The following DYNC2I1 variants were observed in gnomAD, a reference collection of about 807,000 sequenced individuals.
The protein encoded by DYNC2I1 is dynein 2 intermediate chain 1, also known as cytoplasmic dynein 2 intermediate chain 1.
DYNC2I1 carries 89 observed loss-of-function variants against 133.4 expected under a neutral mutation model. That is an observed-to-expected ratio of 0.67 (90% confidence interval 0.56 to 0.80). The LOEUF (loss-of-function observed/expected upper bound fraction) is 0.80. Ranked by LOEUF, DYNC2I1 falls within the 30% of genes least tolerant of loss-of-function variation. The pLI is 0.00. For synonymous variants in DYNC2I1, 504 were observed against 484.3 expected (o/e 1.04, Z -0.54); for missense variants, 1,291 against 1,314.5 (o/e 0.98, Z 0.28).
In DYNC2I1 at chr7:158,891,134, T is replaced by C. The variant is rs2657364; in HGVS notation, c.991-131T>C. 0.42 allele frequency: 391,686 copies of C among 930,726 alleles called. 88,067 individuals carry two copies. Among genetic ancestry groups the C allele is most frequent in the East Asian group, 0.7 (29,014 of 41,278 alleles). The allele number at this position is 930,726 out of a possible 1,614,324, so 57.7% of individuals were successfully genotyped here. ...TGGGACCTGCATCCCAGAGCGTTAG[T>C]TTCGTAGTCTGTGCACCTGTTTGCT... On this transcript the variant is annotated intron_variant, in intron 7 of 24. Transcript: ENST00000407559.
chr7:158,941,936 G>C lies in DYNC2I1; in HGVS notation c.2790G>C (p.Ser930=). The C allele has an allele frequency of 1.2e-6, 2 of 1,604,894 alleles. No individual in the cohort carries two copies. Among genetic ancestry groups the C allele is most frequent in the African/African-American group, 1.3e-5 (1 of 74,812 alleles). Residue 930 remains serine, a synonymous_variant, in exon 24 of 25, where the codon TCG becomes TCC. Transcript: ENST00000407559. ...CTTCCTGGTCATAGGCCGGCTGTTCGGACGGAAGCATCAGGCTGCACCAGC... is the reference window on the plus strand; with the variant it reads ...CTTCCTGGTCATAGGCCGGCTGTTCCGACGGAAGCATCAGGCTGCACCAGC... The part of the protein sequence containing the change: ...FGEPIFLAGC[S]DGSIRLHQLS...
chr7:158,953,690 C>T (rs1160080908), intron 4 of DYNC2I1, among the ~76,000 whole-genome samples: 3 of 152,066 alleles, frequency 2.0e-5, no homozygotes, highest in Admixed American at 2.0e-4. Flanking sequence ...GTTGAGGCTG[C>T]AGAAAAGTAG....
intron 21 of DYNC2I1, among the ~76,000 whole-genome samples, chr7:158,933,595 C>T (rs1850442731): frequency 6.6e-6 from 1 of 152,216 alleles, no homozygotes; most frequent in Non-Finnish European, 1.5e-5. Context: ...TGTGTGGGAA[C>T]CCACAAGCTG....
chr7:158,958,099 G>A (rs1417800110), downstream of DYNC2I1, among the ~76,000 whole-genome samples: 3 of 150,224 alleles, frequency 2.0e-5, no homozygotes, highest in Non-Finnish European at 3.0e-5. Flanking sequence ...CCAGGTCGTG[G>A]AGAGGGTGAG....
chr7:158,935,913 A>C (rs1033248074), intron 23 of DYNC2I1, among the ~76,000 whole-genome samples: 3 of 152,148 alleles, frequency 2.0e-5, no homozygotes, highest in Non-Finnish European at 4.4e-5. Flanking sequence ...TAAAAATACA[A>C]AGTTATCTGG....
chr7:158,848,848 G>A, the DYNC2I1 span, among the ~76,000 whole-genome samples: 21 of 151,922 alleles, frequency 1.4e-4, no homozygotes, highest in East Asian at 3.9e-4. Flanking sequence ...GGCGTGAATC[G>A]CGAGGCAGAG....
intron 1 of DYNC2I1, among the ~76,000 whole-genome samples, chr7:158,864,119 G>T (rs1172121176): frequency 6.8e-6 from 1 of 147,326 alleles, no homozygotes; most frequent in Middle Eastern, 3.5e-3. Flanking sequence ...AGCTCCGGGT[G>T]TGGGGGGGGG....
upstream of DYNC2I1, among the ~76,000 whole-genome samples, chr7:158,853,119 T>C (rs181575579): frequency 2.0e-3 from 310 of 152,324 alleles, 1 homozygote; most frequent in African/African-American, 6.9e-3. Flanking sequence ...CAGGCAGCCA[T>C]GTCACCCTGG....
intron 14 of DYNC2I1, among the ~76,000 whole-genome samples, chr7:158,915,576 G>T (rs1182378378): frequency 6.7e-6 from 1 of 148,212 alleles, no homozygotes; most frequent in South Asian, 2.2e-4. Context: ...GTGAAACCTC[G>T]ACACGCTGGT....
chr7:158,890,053 G>T lies in DYNC2I1; in HGVS notation c.991-1212G>T, dbSNP rs200971650. Among the ~76,000 whole-genome samples, 7 of 146,422 alleles carry T rather than the reference G, an allele frequency of 4.8e-5. No homozygotes were observed. The East Asian group carries it at 1.0e-3, about 21-fold the overall frequency. On this transcript the variant is annotated intron_variant, in intron 7 of 24. Coordinates refer to ENST00000407559, the MANE Select transcript of DYNC2I1 (RefSeq NM_018051.5). ...AATAGAGGTAGGGTCTTGCTCTGTT[G>T]CCCAGGCTGGTCTCGAACTTCTGGG...
rs17837901 is a variant in DYNC2I1 at position 158,918,121 on chromosome 7, C to T, written c.1792-619C>T. Among the ~76,000 whole-genome samples the T allele has an allele frequency of 6.1e-3, 929 of 152,238 alleles. 57 individuals carry two copies. The East Asian group carries it at 0.13, about 21-fold the overall frequency. On this transcript the variant is annotated intron_variant, in intron 14 of 24. Coordinates refer to ENST00000407559, the MANE Select transcript of DYNC2I1 (RefSeq NM_018051.5). ...CGGCCGTCCTGACCCTGAGTGTTCC[C>T]GGGTCATGTCAGTTCCCAATGAACA...
In DYNC2I1 at chr7:158,890,717, G is replaced by A. The variant is rs182440576; in HGVS notation, c.991-548G>A. On this transcript the variant is annotated intron_variant, in intron 7 of 24. Coordinates refer to ENST00000407559, the MANE Select transcript of DYNC2I1 (RefSeq NM_018051.5). ...GCCTCCCAAGTAACTGGGATTATAG[G>A]CACCCGCCACCATGCCTGGCTAATT... 4.8e-3 allele frequency among the ~76,000 whole-genome samples: 724 copies of A among 152,082 alleles called. 7 individuals are homozygous for A. Among genetic ancestry groups the A allele is most frequent in the African/African-American group, 0.017 (688 of 41,482 alleles).
Position 158,857,609 on chromosome 7 carries a change from C to T in DYNC2I1, c.15+859C>T, listed in dbSNP as rs79403842. ...CTGGAATGCAATGGCACGAACTTGG[C>T]TTACTGCAACCTCCGACTCCAGGGT... On this transcript the variant is annotated intron_variant, in intron 1 of 24. Transcript: ENST00000407559. 6.4e-3 allele frequency among the ~76,000 whole-genome samples: 907 copies of T among 142,410 alleles called. 63 individuals are homozygous for T. In the East Asian group the frequency reaches 0.14, roughly 22 times the overall value. 93.4% of individuals were successfully genotyped at this position (142,410 alleles called of 152,430 possible). A position where few individuals can be genotyped will look rare whatever the true frequency, so the allele number is the denominator to read the frequency against.
intron 15 of DYNC2I1, among the ~76,000 whole-genome samples, chr7:158,919,157 T>G (rs1848764305): frequency 6.6e-6 from 1 of 152,244 alleles, no homozygotes; most frequent in Non-Finnish European, 1.5e-5. Context: ...TCTATGTGTT[T>G]GAAATCCTGT....
chr7:158,906,159 TA>T, intron 11 of DYNC2I1, 68 bp downstream of exon 11: 1 of 1,400,834 alleles, frequency 7.1e-7, no homozygotes, highest in Non-Finnish European at 9.8e-7. Context: ...CACATACTTT[TA>T]AAAAATCGAG....
chr7:158,933,862 A>G (rs888015507), intron 21 of DYNC2I1, among the ~76,000 whole-genome samples: 3 of 152,244 alleles, frequency 2.0e-5, no homozygotes, highest in Non-Finnish European at 4.4e-5. Context: ...TGAAACTGTT[A>G]TCTCTGAAAT....
chr7:158,855,091 A>G (rs926835342), upstream of DYNC2I1, among the ~76,000 whole-genome samples: 2 of 152,258 alleles, frequency 1.3e-5, no homozygotes, highest in Non-Finnish European at 2.9e-5. Context: ...GACAGAGCCT[A>G]TCGAGATGGG....
At chr7:158,935,346 G>T (rs1030983776) in intron 23 of DYNC2I1, among the ~76,000 whole-genome samples, 1 of 152,204 alleles carries the variant, frequency 6.6e-6, no homozygotes, top group Non-Finnish European at 1.5e-5. Flanking sequence ...GGGTTGGTTT[G>T]GGTAAGATAG....
At chr7:158,860,088 T>C (rs1563067353) in intron 1 of DYNC2I1, among the ~76,000 whole-genome samples, 1 of 150,078 alleles carries the variant, frequency 6.7e-6, no homozygotes, top group Admixed American at 6.7e-5. Context: ...GAAGTCTCAC[T>C]CTTGTCCCCT....
Sources: allele counts gnomAD v4.1 joint callset (sites outside exome capture counted in the v4.1 genomes callset), GRCh38; gene constraint gnomAD v4.1.1; transcripts MANE v1.5; gene names NCBI Gene and HGNC (gene_info 2026-07-23, HGNC 2026-07-21).